Variants in SGMS1 observed in about 807,000 individuals in gnomAD.
SGMS1 encodes phosphatidylcholine:ceramide cholinephosphotransferase 1.
A neutral mutation model predicts 46.2 loss-of-function variants in SGMS1; 13 were observed. The observed-to-expected ratio is 0.28, with a 90% CI of 0.18 to 0.45. SGMS1 has a LOEUF of 0.45. Ranked by LOEUF, SGMS1 falls within the 20% of genes least tolerant of loss-of-function variation. The pLI is 1.00. For missense variants in SGMS1, 324 were observed against 519.9 expected (o/e 0.62, Z 3.66); for synonymous variants, 203 against 187.8 (o/e 1.08, Z -0.66).
chr10:50,620,854 T>G (rs193055599), intron 1 of SGMS1, among the ~76,000 whole-genome samples: 8 of 152,330 alleles, frequency 5.3e-5, no homozygotes, highest in Non-Finnish European at 1.2e-4. Context: ...TTAAAGCATT[T>G]GACATCCAAC....
At chr10:50,437,028 A>G (rs1009803529) in intron 5 of SGMS1, among the ~76,000 whole-genome samples, 7 of 152,360 alleles carry the variant, frequency 4.6e-5, no homozygotes, top group Admixed American at 3.9e-4. Context: ...CGATATCAGT[A>G]CAATAACCAG....
intron 4 of SGMS1, among the ~76,000 whole-genome samples, chr10:50,461,965 A>C (rs1316699535): frequency 6.6e-6 from 1 of 152,226 alleles, no homozygotes; most frequent in African/African-American, 2.4e-5. Flanking sequence ...ATAAAATAAA[A>C]CAAACAAAAA....
At chr10:50,593,420 T>C (rs1177453488) in intron 1 of SGMS1, among the ~76,000 whole-genome samples, 1 of 152,230 alleles carries the variant, frequency 6.6e-6, no homozygotes, top group Non-Finnish European at 1.5e-5. Context: ...TGTTATGCAG[T>C]GATAAGTAAC....
At chr10:50,518,493 C>A (rs1837828986) in intron 3 of SGMS1, among the ~76,000 whole-genome samples, 1 of 152,188 alleles carries the variant, frequency 6.6e-6, no homozygotes, top group Non-Finnish European at 1.5e-5. Context: ...ATGGCATGAT[C>A]TTGGCTCATT....
At chr10:50,363,290 G>A (rs1168290057) in intron 6 of SGMS1, among the ~76,000 whole-genome samples, 1 of 152,192 alleles carries the variant, frequency 6.6e-6, no homozygotes, top group Non-Finnish European at 1.5e-5. Flanking sequence ...ATGAATCAGT[G>A]GTGACGGATC....
intron 3 of SGMS1, among the ~76,000 whole-genome samples, chr10:50,471,367 C>T (rs751772074): frequency 1.3e-5 from 2 of 152,166 alleles, no homozygotes; most frequent in African/African-American, 2.4e-5. Context: ...AAAAAAACCA[C>T]GTAAATCAGT....
intron 2 of SGMS1, among the ~76,000 whole-genome samples, chr10:50,529,269 G>T (rs1454341789): frequency 6.6e-6 from 1 of 152,182 alleles, no homozygotes; most frequent in Non-Finnish European, 1.5e-5. Context: ...AAGGCAGCAA[G>T]AAAGTTCACT....
At chr10:50,510,109 A>G (rs1268621621) in intron 3 of SGMS1, among the ~76,000 whole-genome samples, 2 of 151,978 alleles carry the variant, frequency 1.3e-5, no homozygotes, top group African/African-American at 4.8e-5. Flanking sequence ...CTAACCCTAT[A>G]CTCTTGCCTT....
intron 2 of SGMS1, among the ~76,000 whole-genome samples, chr10:50,561,331 T>G (rs766073031): frequency 2.5e-4 from 38 of 152,194 alleles, no homozygotes; most frequent in Non-Finnish European, 4.4e-4. Flanking sequence ...CTGCGGAAAC[T>G]GAGGCACTGA....
At chr10:50,557,836 CT>C (rs1838201259) in intron 2 of SGMS1, among the ~76,000 whole-genome samples, 1 of 152,088 alleles carries the variant, frequency 6.6e-6, no homozygotes, top group Admixed American at 6.5e-5. Flanking sequence ...TCCAAGGCTA[CT>C]ATACAAACAA....
At chr10:50,511,248 T>TACACACACACACACACAC (rs3054272) in intron 3 of SGMS1, among the ~76,000 whole-genome samples, 45 of 141,786 alleles carry the variant, frequency 3.2e-4, no homozygotes, top group South Asian at 7.0e-4. Flanking sequence ...CACTCATTCA[T>TACACACACACACACACAC]ACACACACAC....
chr10:50,570,663 G>T (rs1003510312), intron 2 of SGMS1, among the ~76,000 whole-genome samples: 1 of 152,208 alleles, frequency 6.6e-6, no homozygotes, highest in South Asian at 2.1e-4. Flanking sequence ...GCCACGCAAA[G>T]TGGCTCACAC....
chr10:50,569,427 T>C (rs12262564), intron 2 of SGMS1, among the ~76,000 whole-genome samples: 7,564 of 152,118 alleles, frequency 0.05, 543 homozygotes, highest in African/African-American at 0.16. Flanking sequence ...GGTAGAAAGT[T>C]CTTTCTATCC....
chr10:50,347,684 G>T (rs1847936860), intron 6 of SGMS1, among the ~76,000 whole-genome samples: 2 of 152,064 alleles, frequency 1.3e-5, no homozygotes, highest in African/African-American at 4.8e-5. Flanking sequence ...ATGAACACAG[G>T]CTTTTCACCT....
At chr10:50,455,020 C>T (rs1337006865) in intron 5 of SGMS1, among the ~76,000 whole-genome samples, 1 of 152,196 alleles carries the variant, frequency 6.6e-6, no homozygotes, top group African/African-American at 2.4e-5. Context: ...CCCTGCCCAA[C>T]CCCTTTTGGA....
chr10:50,599,576 A>G (rs1210474820), intron 1 of SGMS1, among the ~76,000 whole-genome samples: 1 of 152,180 alleles, frequency 6.6e-6, no homozygotes, highest in Non-Finnish European at 1.5e-5. Context: ...CGAAGTACTT[A>G]ACGTTAACTT....
chr10:50,501,116 C>T (rs1837657934), intron 3 of SGMS1, among the ~76,000 whole-genome samples: 1 of 152,144 alleles, frequency 6.6e-6, no homozygotes, highest in Non-Finnish European at 1.5e-5. Flanking sequence ...CCATGTCATC[C>T]TCTCCTGCAA....
intron 3 of SGMS1, among the ~76,000 whole-genome samples, chr10:50,503,310 T>G (rs1206969465): frequency 1.3e-5 from 2 of 152,192 alleles, no homozygotes; most frequent in Non-Finnish European, 2.9e-5. Flanking sequence ...TTGTCCTAAG[T>G]GTAGCGGAGT....
At chr10:50,321,671 G>C (rs1847447586) in intron 8 of SGMS1, among the ~76,000 whole-genome samples, 1 of 152,186 alleles carries the variant, frequency 6.6e-6, no homozygotes. Context: ...CCAACAGGAT[G>C]GCAGGAAGTT....
Sources: gnomAD v4.1 joint callset for allele counts (sites outside exome capture counted in the v4.1 genomes callset) on GRCh38, gnomAD v4.1.1 for gene constraint, MANE v1.5 for transcripts, NCBI Gene and HGNC (gene_info 2026-07-23, HGNC 2026-07-21) for gene names.